The following ARHGEF10 variants were observed in gnomAD, a reference collection of about 807,000 sequenced individuals.
ARHGEF10 encodes the protein Rho guanine nucleotide exchange factor (GEF) 10.
A neutral mutation model predicts 147.4 loss-of-function variants in ARHGEF10; 140 were observed. The observed-to-expected ratio is 0.95, with a 90% CI of 0.83 to 1.09. The LOEUF is 1.09. ARHGEF10 is among the 50% of genes least tolerant of loss of function. ARHGEF10 has a pLI of 0.00. For synonymous variants in ARHGEF10, 902 were observed against 695.8 expected (o/e 1.30, Z -4.67); for missense variants, 2,222 against 1,752.7 (o/e 1.27, Z -4.78).
At chr8:1,838,135 G>C (rs1051607437) in intron 1 of ARHGEF10, among the ~76,000 whole-genome samples, 1 of 152,218 alleles carries the variant, frequency 6.6e-6, no homozygotes, top group African/African-American at 2.4e-5. Context: ...CAGACCTTGG[G>C]CTGGGATCCA....
intron 18 of ARHGEF10, among the ~76,000 whole-genome samples, chr8:1,917,975 A>G (rs1811886172): frequency 6.7e-6 from 1 of 148,662 alleles, no homozygotes; most frequent in Admixed American, 6.7e-5. Flanking sequence ...TTTAGTAGGG[A>G]TGAGGTTTCA....
At position 1,876,815 on chromosome 8, in the gene ARHGEF10, C is replaced by T; in HGVS notation, c.843+81C>T. On this transcript the variant is annotated intron_variant, in intron 8 of 28. Coordinates refer to ENST00000349830, the MANE Select transcript of ARHGEF10 (RefSeq NM_014629.4). ...GGCTGTGAATATGATTGTGATCCAC[C>T]TAGTACTTCATAGTGATTTGTTAAG... 2.7e-6 allele frequency: 4 copies of T among 1,464,150 alleles called. No individual in the cohort carries two copies. The South Asian group carries it at 3.4e-5, about 12-fold the overall frequency. 90.7% of individuals were successfully genotyped at this position (1,464,150 alleles called of 1,614,324 possible).
chr8:1,938,617 T>G (rs1347274161), intron 26 of ARHGEF10, among the ~76,000 whole-genome samples: 1 of 152,220 alleles, frequency 6.6e-6, no homozygotes, highest in Non-Finnish European at 1.5e-5. Flanking sequence ...ATTCTTGTCA[T>G]TGTGTAGAAA....
chr8:1,921,239 T>C (rs1425971099), intron 18 of ARHGEF10, among the ~76,000 whole-genome samples: 1 of 152,262 alleles, frequency 6.6e-6, no homozygotes, highest in Non-Finnish European at 1.5e-5. Context: ...ATGGTTATGC[T>C]ACTCCTCAGT....
At chr8:1,914,482 G>A (rs1452961625) in intron 18 of ARHGEF10, among the ~76,000 whole-genome samples, 1 of 152,244 alleles carries the variant, frequency 6.6e-6, no homozygotes, top group African/African-American at 2.4e-5. Context: ...GGTCTCCAAC[G>A]TGTCCTCTCC....
rs139405744 is a variant in ARHGEF10, at chr8:1,891,059, A to T, written c.1183-2510A>T. The stretch of plus-strand genomic sequence containing the variant: ...AGGGTGGATTTTAATGTCTATTTCC[A>T]TCTTGCTTATCCCACCGTAATGGTT... On this transcript the variant is annotated intron_variant, in intron 11 of 28. Coordinates refer to ENST00000349830, the MANE Select transcript of ARHGEF10 (RefSeq NM_014629.4). Among the ~76,000 whole-genome samples, 4 of 152,228 alleles carry T rather than the reference A, an allele frequency of 2.6e-5. No homozygotes were observed. In the East Asian group the frequency reaches 7.7e-4, roughly 29 times the overall value.
chr8:1,824,472 AAGG>A (rs1361287697), intron 1 of ARHGEF10, among the ~76,000 whole-genome samples: 1 of 151,866 alleles, frequency 6.6e-6, no homozygotes, highest in Non-Finnish European at 1.5e-5. Context: ...TTTTCCGGTA[AAGG>A]AGAAGAATGC....
intron 2 of ARHGEF10, among the ~76,000 whole-genome samples, chr8:1,849,728 C>T (rs1241344333): frequency 2.4e-4 from 35 of 143,680 alleles, no homozygotes; most frequent in African/African-American, 7.5e-4. Context: ...CACGTGGTCA[C>T]AGACAGCAAA....
At chr8:1,903,057 A>G (rs973498701) in intron 15 of ARHGEF10, among the ~76,000 whole-genome samples, 2 of 151,994 alleles carry the variant, frequency 1.3e-5, no homozygotes, top group African/African-American at 4.8e-5. Flanking sequence ...TTTATTGTAC[A>G]GTGCTATTTT....
At chr8:1,907,226 T>A (rs1810968771) in intron 17 of ARHGEF10, among the ~76,000 whole-genome samples, 1 of 152,150 alleles carries the variant, frequency 6.6e-6, no homozygotes, top group Non-Finnish European at 1.5e-5. Flanking sequence ...CTAAAGGTGT[T>A]TATCACTTAA....
intron 1 of ARHGEF10, among the ~76,000 whole-genome samples, chr8:1,826,986 G>A (rs2129029835): frequency 1.3e-5 from 2 of 152,368 alleles, no homozygotes; most frequent in East Asian, 3.9e-4. Context: ...GCAGTGGAAA[G>A]GGGTGGGCCA....
intron 1 of ARHGEF10, among the ~76,000 whole-genome samples, chr8:1,833,852 C>G (rs1301624561): frequency 6.6e-6 from 1 of 152,244 alleles, no homozygotes; most frequent in African/African-American, 2.4e-5. Context: ...TGGCACTGTG[C>G]ACCTCAGCCT....
intron 18 of ARHGEF10, among the ~76,000 whole-genome samples, chr8:1,912,827 G>T (rs1397446312): frequency 1.3e-5 from 2 of 152,180 alleles, no homozygotes; most frequent in Non-Finnish European, 2.9e-5. Flanking sequence ...GTTTTCTGGG[G>T]TGATTTTAAA....
chr8:1,891,962 T>C (rs1212789473), intron 11 of ARHGEF10, among the ~76,000 whole-genome samples: 2 of 149,334 alleles, frequency 1.3e-5, no homozygotes, highest in Non-Finnish European at 3.0e-5. Flanking sequence ...TATATACACA[T>C]ATAAATAATA....
At chr8:1,838,189 G>T (rs1306836536) in intron 1 of ARHGEF10, among the ~76,000 whole-genome samples, 1 of 152,188 alleles carries the variant, frequency 6.6e-6, no homozygotes, top group African/African-American at 2.4e-5. Flanking sequence ...TCTCTAACAG[G>T]CCTGGACTCC....
intron 9 of ARHGEF10, among the ~76,000 whole-genome samples, chr8:1,880,817 G>T (rs1283902065): frequency 6.6e-6 from 1 of 152,172 alleles, no homozygotes; most frequent in Non-Finnish European, 1.5e-5. Flanking sequence ...ATTCATATGT[G>T]TTGAATGGCA....
In ARHGEF10 at chr8:1,864,365, C is replaced by G. The variant is rs771920194; in HGVS notation, c.482-8C>G. 1.2e-6 allele frequency: 2 copies of G among 1,614,078 alleles called. No homozygotes were observed. Reference sequence around the variant, plus strand: ...TAAAGCAGCATCACATATTTTCTTTCCCAGCAGAAACACCAGAAGTCACAG... The same window carrying G: ...TAAAGCAGCATCACATATTTTCTTTGCCAGCAGAAACACCAGAAGTCACAG... On this transcript the variant is annotated splice_polypyrimidine_tract_variant and splice_region_variant and intron_variant, in intron 4 of 28. Coordinates refer to ENST00000349830, the MANE Select transcript of ARHGEF10 (RefSeq NM_014629.4).
rs964222305 is a variant in ARHGEF10, at chr8:1,903,611, C to T, written c.1821+160C>T. The T allele has an allele frequency of 6.7e-5, 55 of 825,394 alleles. No individual in the cohort carries two copies. In the African/African-American group the frequency reaches 7.4e-4, roughly 11 times the overall value. The allele number at this position is 825,394 out of a possible 1,614,324, so 51.1% of individuals were successfully genotyped here. A position where few individuals can be genotyped will look rare whatever the true frequency, so the allele number is the denominator to read the frequency against. On this transcript the variant is annotated intron_variant, in intron 16 of 28. Transcript: ENST00000349830. ...GATGGAGGCCTTCGGGAGAGTCACA[C>T]CAATGTGGAAATTGTATGTAAAACC...
At chr8:1,902,934 C>T (rs1810586779) in intron 15 of ARHGEF10, among the ~76,000 whole-genome samples, 2 of 152,310 alleles carry the variant, frequency 1.3e-5, no homozygotes, top group African/African-American at 4.8e-5. Context: ...CCCATCTGTG[C>T]ATGGGTTCAT....
Sources: gnomAD v4.1 joint callset for allele counts (sites outside exome capture counted in the v4.1 genomes callset) on GRCh38, gnomAD v4.1.1 for gene constraint, MANE v1.5 for transcripts, NCBI Gene and HGNC (gene_info 2026-07-23, HGNC 2026-07-21) for gene names.